KIAA0825: variants seen among roughly 807,000 people sequenced by gnomAD.
KIAA0825 encodes KIAA0825, also known as uncharacterized protein KIAA0825.
In KIAA0825, 119 loss-of-function variants were observed where a neutral mutation model predicts 147.6. That is an observed-to-expected ratio of 0.81 (90% confidence interval 0.69 to 0.94). The LOEUF (loss-of-function observed/expected upper bound fraction) is 0.94. KIAA0825 is among the 40% of genes least tolerant of loss of function. KIAA0825 has a pLI of 0.00. For missense variants in KIAA0825, 1,381 were observed against 1,472.7 expected (o/e 0.94, Z 1.02); for synonymous variants, 470 against 518.1 (o/e 0.91, Z 1.26).
chr5:94,404,247 T>C (rs539307590), intron 15 of KIAA0825, among the ~76,000 whole-genome samples: 1 of 152,304 alleles, frequency 6.6e-6, no homozygotes, highest in Admixed American at 6.5e-5. Context: ...TAATTAGCTC[T>C]GGTATTTCTG....
intron 12 of KIAA0825, among the ~76,000 whole-genome samples, chr5:94,461,948 A>G (rs975022774): frequency 2.6e-5 from 4 of 151,926 alleles, no homozygotes; most frequent in Non-Finnish European, 5.9e-5. Context: ...GCTAAGTAAA[A>G]TATTTCCACA....
chr5:94,409,582 T>C (rs913448836), intron 15 of KIAA0825, among the ~76,000 whole-genome samples: 4 of 152,134 alleles, frequency 2.6e-5, no homozygotes, highest in African/African-American at 9.7e-5. Flanking sequence ...CACAGAATAC[T>C]AGACTGGCAG....
intron 1 of KIAA0825, among the ~76,000 whole-genome samples, chr5:94,608,179 T>C (rs1787850197): frequency 6.6e-6 from 1 of 151,840 alleles, no homozygotes; most frequent in Non-Finnish European, 1.5e-5. Flanking sequence ...TGTATTTTTT[T>C]CACCATTACA....
At chr5:94,605,802 C>A (rs1250732379) in intron 1 of KIAA0825, among the ~76,000 whole-genome samples, 2 of 152,186 alleles carry the variant, frequency 1.3e-5, no homozygotes, top group African/African-American at 4.8e-5. Flanking sequence ...AACCCACAGC[C>A]TACATTATAC....
chr5:94,566,835 T>C (rs1778802481), intron 2 of KIAA0825, among the ~76,000 whole-genome samples: 1 of 152,202 alleles, frequency 6.6e-6, no homozygotes, highest in African/African-American at 2.4e-5. Flanking sequence ...TCAATTTTAA[T>C]TTTTAGTAAT....
intron 20 of KIAA0825, among the ~76,000 whole-genome samples, chr5:94,320,739 C>CA (rs1780102657): frequency 6.6e-6 from 1 of 151,942 alleles, no homozygotes; most frequent in African/African-American, 2.4e-5. Flanking sequence ...TCAGACACTC[C>CA]AAATCTTTCA....
intron 20 of KIAA0825, among the ~76,000 whole-genome samples, chr5:94,241,344 G>C (rs1036674697): frequency 9.9e-5 from 15 of 152,176 alleles, no homozygotes; most frequent in African/African-American, 3.6e-4. Context: ...ATACTGGACT[G>C]TTTTACATAG....
intron 20 of KIAA0825, among the ~76,000 whole-genome samples, chr5:94,154,351 A>T (rs1766834516): frequency 6.6e-6 from 1 of 152,236 alleles, no homozygotes; most frequent in Non-Finnish European, 1.5e-5. Flanking sequence ...CCACTTCAGG[A>T]TAAAGTTTTT....
At chr5:94,287,813 G>T (rs953069306) in intron 20 of KIAA0825, among the ~76,000 whole-genome samples, 3 of 152,098 alleles carry the variant, frequency 2.0e-5, no homozygotes, top group Admixed American at 2.0e-4. Context: ...GATCTTACTG[G>T]TGGTGCCAGG....
intron 5 of KIAA0825, chr5:94,519,747 T>G: frequency 1.2e-6 from 1 of 820,756 alleles, no homozygotes; most frequent in Non-Finnish European, 1.5e-6. Flanking sequence ...TTCAACAAAT[T>G]TTCAAAAATT....
intron 20 of KIAA0825, among the ~76,000 whole-genome samples, chr5:94,347,550 C>A (rs1246147567): frequency 1.3e-5 from 2 of 152,128 alleles, no homozygotes; most frequent in Admixed American, 6.5e-5. Context: ...AGAAGAGAGA[C>A]AACAATCACT....
chr5:94,550,045 A>G (rs1775223774), intron 2 of KIAA0825, among the ~76,000 whole-genome samples: 1 of 152,212 alleles, frequency 6.6e-6, no homozygotes, highest in African/African-American at 2.4e-5. Context: ...GTACATATAC[A>G]CAATGGAGTA....
chr5:94,211,690 C>A (rs919473288), intron 20 of KIAA0825, among the ~76,000 whole-genome samples: 2 of 152,126 alleles, frequency 1.3e-5, no homozygotes, highest in African/African-American at 2.4e-5. Context: ...ACCTGTAACT[C>A]ATTTTTTCTC....
rs142734701 is a variant in KIAA0825 at position 94,572,700 on chromosome 5, A to G, written c.-2+9733T>C. On this transcript the variant is annotated intron_variant, in intron 2 of 20. Transcript: ENST00000682413. ...ACAGCATAATACAGGATATTTTTGA[A>G]AAAACAAACTATCCCATAAAATAAA... 3.2e-3 allele frequency among the ~76,000 whole-genome samples: 481 copies of G among 152,350 alleles called. 3 individuals carry two copies. The highest frequency in any genetic ancestry group is 0.011 in the African/African-American group (448 of 41,582).
chr5:94,397,624 T>C (rs1750843524), intron 16 of KIAA0825, among the ~76,000 whole-genome samples: 1 of 152,166 alleles, frequency 6.6e-6, no homozygotes, highest in Admixed American at 6.6e-5. Context: ...GGATGATCCT[T>C]TGTTGTGAGG....
chr5:94,509,629 T>C (rs1220259646), intron 5 of KIAA0825, among the ~76,000 whole-genome samples: 1 of 152,172 alleles, frequency 6.6e-6, no homozygotes, highest in Non-Finnish European at 1.5e-5. Flanking sequence ...ACAACATATG[T>C]CTCTTTGGAG....
At chr5:94,544,941 G>C (rs1043731339) in intron 2 of KIAA0825, among the ~76,000 whole-genome samples, 1 of 151,966 alleles carries the variant, frequency 6.6e-6, no homozygotes, top group Non-Finnish European at 1.5e-5. Flanking sequence ...CACTGAAAGA[G>C]ACACCGAGAG....
intron 1 of KIAA0825, among the ~76,000 whole-genome samples, chr5:94,604,269 A>T (rs1304136474): frequency 6.6e-6 from 1 of 152,204 alleles, no homozygotes; most frequent in Non-Finnish European, 1.5e-5. Flanking sequence ...AAGACTAAAA[A>T]ATTCACTTAT....
intron 20 of KIAA0825, among the ~76,000 whole-genome samples, chr5:94,160,567 G>C (rs921150434): frequency 6.8e-6 from 1 of 147,314 alleles, no homozygotes; most frequent in Non-Finnish European, 1.5e-5. Context: ...TATAAATACT[G>C]TATGTGTATA....
Sources: allele counts gnomAD v4.1 joint callset (sites outside exome capture counted in the v4.1 genomes callset), GRCh38; gene constraint gnomAD v4.1.1; transcripts MANE v1.5; gene names NCBI Gene and HGNC (gene_info 2026-07-23, HGNC 2026-07-21).